The following GRID2 variants were observed in gnomAD, a reference collection of about 807,000 sequenced individuals.
The protein encoded by GRID2 is glutamate ionotropic receptor delta type subunit 2.
In GRID2, 33 loss-of-function variants were observed where a neutral mutation model predicts 114.8. The ratio of observed to expected loss-of-function variants is 0.29; its 90% CI spans 0.22 to 0.38. GRID2 has a LOEUF of 0.38. GRID2 is among the 10% of genes least tolerant of loss of function. The pLI is 1.00. For synonymous variants in GRID2, 505 were observed against 449.9 expected, an observed-to-expected ratio of 1.12 and a Z score of -1.55; for missense variants, 1,184 against 1,257.7, an observed-to-expected ratio of 0.94 and a Z score of 0.89.
intron 1 of GRID2, among the ~76,000 whole-genome samples, chr4:92,439,392 C>T (rs1732903804): frequency 1.3e-5 from 2 of 152,052 alleles, no homozygotes; most frequent in Admixed American, 1.3e-4. Context: ...GGCTTGGGCT[C>T]AGAGGCCTGA....
At chr4:93,457,025 T>C (rs1723271639) in intron 11 of GRID2, among the ~76,000 whole-genome samples, 1 of 152,162 alleles carries the variant, frequency 6.6e-6, no homozygotes, top group African/African-American at 2.4e-5. Flanking sequence ...TCAGTAAATA[T>C]TTAATCCACA....
At chr4:92,318,308 A>ATATT (rs1235199870) in intron 1 of GRID2, among the ~76,000 whole-genome samples, 1 of 130,904 alleles carries the variant, frequency 7.6e-6, no homozygotes, top group African/African-American at 3.1e-5. Context: ...ATATATATAT[A>ATATT]TTTTTTTTTT....
At chr4:93,592,077 G>A (rs186874821) in intron 13 of GRID2, among the ~76,000 whole-genome samples, 160 of 152,190 alleles carry the variant, frequency 1.1e-3, no homozygotes, top group African/African-American at 3.8e-3. Flanking sequence ...TCTGATTTTA[G>A]TTATTTCTTG....
intron 13 of GRID2, among the ~76,000 whole-genome samples, chr4:93,563,069 G>C (rs1232879132): frequency 1.3e-5 from 2 of 151,968 alleles, no homozygotes; most frequent in Admixed American, 6.6e-5. Context: ...AGTGAAAAAT[G>C]CAAATAATGT....
chr4:93,237,505 A>G (rs1385869841), intron 7 of GRID2, among the ~76,000 whole-genome samples: 1 of 151,950 alleles, frequency 6.6e-6, no homozygotes, highest in Non-Finnish European at 1.5e-5. Flanking sequence ...AGAGGTGATA[A>G]TTAAAACAAT....
At chr4:92,827,311 G>A (rs555295243) in intron 2 of GRID2, among the ~76,000 whole-genome samples, 89 of 151,176 alleles carry the variant, frequency 5.9e-4, no homozygotes, top group Middle Eastern at 6.8e-3. Context: ...TTAATTTTGG[G>A]TGCAATAAAC....
chr4:93,189,051 A>T (rs571445310), intron 4 of GRID2, among the ~76,000 whole-genome samples: 1 of 152,106 alleles, frequency 6.6e-6, no homozygotes, highest in African/African-American at 2.4e-5. Context: ...TTTATGGTAA[A>T]TTCATAGCTT....
chr4:92,760,704 G>T (rs1737967729), intron 2 of GRID2, among the ~76,000 whole-genome samples: 1 of 152,174 alleles, frequency 6.6e-6, no homozygotes, highest in Admixed American at 6.5e-5. Context: ...TTTCCTGGGA[G>T]ACCTCAATCC....
intron 3 of GRID2, among the ~76,000 whole-genome samples, chr4:93,094,433 A>ATTTTG (rs1256008774): frequency 6.6e-6 from 1 of 152,026 alleles, no homozygotes; most frequent in African/African-American, 2.4e-5. Flanking sequence ...ATTTTGGTTA[A>ATTTTG]TTTTGTTTTG....
At chr4:93,289,809 C>T (rs753811723) in intron 8 of GRID2, among the ~76,000 whole-genome samples, 2 of 151,848 alleles carry the variant, frequency 1.3e-5, no homozygotes, top group Non-Finnish European at 1.5e-5. Context: ...TTTGTGGGTA[C>T]GTACATATAA....
At chr4:93,057,766 A>G (rs1160743507) in intron 2 of GRID2, among the ~76,000 whole-genome samples, 2 of 151,774 alleles carry the variant, frequency 1.3e-5, no homozygotes, top group African/African-American at 2.4e-5. Context: ...ATAATATTCA[A>G]TGAACAGCAC....
chr4:93,667,848 A>T (rs1724080963), intron 14 of GRID2, among the ~76,000 whole-genome samples: 2 of 152,090 alleles, frequency 1.3e-5, no homozygotes, highest in South Asian at 2.1e-4. Flanking sequence ...ATGTGAAACA[A>T]GATTTAACGT....
At chr4:93,151,993 A>T (rs1033416718) in intron 4 of GRID2, among the ~76,000 whole-genome samples, 1 of 152,190 alleles carries the variant, frequency 6.6e-6, no homozygotes, top group African/African-American at 2.4e-5. Context: ...TGTTTAATTT[A>T]TTTTTGCCTG....
intron 1 of GRID2, among the ~76,000 whole-genome samples, chr4:92,553,089 T>G (rs1253320132): frequency 6.6e-6 from 1 of 152,118 alleles, no homozygotes; most frequent in African/African-American, 2.4e-5. Flanking sequence ...TTTTGGTGGG[T>G]GGGGAGCAAG....
chr4:92,962,988 A>G (rs1752920501), intron 2 of GRID2, among the ~76,000 whole-genome samples: 1 of 152,016 alleles, frequency 6.6e-6, no homozygotes, highest in African/African-American at 2.4e-5. Flanking sequence ...TTTGTTTCCC[A>G]GTACATATCA....
intron 14 of GRID2, among the ~76,000 whole-genome samples, chr4:93,665,036 G>T (rs1330345548): frequency 1.3e-5 from 2 of 152,106 alleles, no homozygotes; most frequent in African/African-American, 4.8e-5. Flanking sequence ...TATGACTGTG[G>T]TTTAATGAAA....
intron 1 of GRID2, among the ~76,000 whole-genome samples, chr4:92,541,677 T>G (rs187990887): frequency 1.8e-3 from 273 of 152,142 alleles, no homozygotes; most frequent in Non-Finnish European, 3.1e-3. Context: ...TAAAAGAAAA[T>G]ATTGTTTTTA....
At chr4:93,019,848 A>G (rs1723112807) in intron 2 of GRID2, among the ~76,000 whole-genome samples, 1 of 152,196 alleles carries the variant, frequency 6.6e-6, no homozygotes, top group African/African-American at 2.4e-5. Flanking sequence ...AAAGTATCAC[A>G]TGTACCTCAT....
chr4:92,826,174 C>A (rs2149393078), intron 2 of GRID2, among the ~76,000 whole-genome samples: 1 of 152,244 alleles, frequency 6.6e-6, no homozygotes, highest in African/African-American at 2.4e-5. Context: ...CTTCTCTGAA[C>A]TCATTCCTAC....
Sources: allele counts gnomAD v4.1 joint callset (sites outside exome capture counted in the v4.1 genomes callset), GRCh38; gene constraint gnomAD v4.1.1; transcripts MANE v1.5; gene names NCBI Gene and HGNC (gene_info 2026-07-23, HGNC 2026-07-21).